Variants in AFG2A observed in about 807,000 individuals in gnomAD.
AFG2A encodes AAA ATPase AFG2A, also known as ATPase family gene 2 protein homolog A.
At chr4:123,200,449 A>G in the AFG2A span, among the ~76,000 whole-genome samples, 6 of 152,208 alleles carry the variant, frequency 3.9e-5, no homozygotes, top group East Asian at 1.9e-4. Flanking sequence ...TTTTTTAACA[A>G]TCTTTAGGGA....
the AFG2A span, among the ~76,000 whole-genome samples, chr4:122,997,282 A>G: frequency 6.6e-6 from 1 of 152,112 alleles, no homozygotes; most frequent in Non-Finnish European, 1.5e-5. Flanking sequence ...TTCACCACCT[A>G]AAAAGAAACC....
the AFG2A span, among the ~76,000 whole-genome samples, chr4:123,135,473 C>A: frequency 6.6e-6 from 1 of 152,172 alleles, no homozygotes; most frequent in Non-Finnish European, 1.5e-5. Flanking sequence ...GTGAAATTAT[C>A]TTTGTTTGCT....
the AFG2A span, among the ~76,000 whole-genome samples, chr4:123,078,187 C>A: frequency 1.3e-5 from 2 of 151,966 alleles, no homozygotes; most frequent in Non-Finnish European, 2.9e-5. Context: ...TGCTTTTTTT[C>A]ATCTAGCACA....
chr4:123,171,548 T>C, the AFG2A span, among the ~76,000 whole-genome samples: 22 of 152,230 alleles, frequency 1.4e-4, no homozygotes, highest in Admixed American at 1.2e-3. Context: ...TGAAATGAAA[T>C]TCTAGACTAT....
the AFG2A span, among the ~76,000 whole-genome samples, chr4:123,297,896 G>A: frequency 1.3e-5 from 2 of 152,056 alleles, no homozygotes; most frequent in Non-Finnish European, 2.9e-5. Context: ...AGAGGAAGCA[G>A]TGTATAAGCA....
the AFG2A span, among the ~76,000 whole-genome samples, chr4:123,018,026 T>C: frequency 6.6e-6 from 1 of 152,110 alleles, no homozygotes; most frequent in Admixed American, 6.5e-5. Flanking sequence ...ATAAAAGTAT[T>C]TTTTTTTCTA....
At chr4:123,048,843 C>T in the AFG2A span, among the ~76,000 whole-genome samples, 9 of 151,960 alleles carry the variant, frequency 5.9e-5, no homozygotes, top group South Asian at 2.1e-4. Context: ...CTTTTCAATT[C>T]GAATGCCCTT....
At chr4:123,196,666 AG>A in the AFG2A span, among the ~76,000 whole-genome samples, 1 of 152,140 alleles carries the variant, frequency 6.6e-6, no homozygotes, top group Admixed American at 6.5e-5. Flanking sequence ...AGATGCAACT[AG>A]GTATAGAGAT....
chr4:123,130,770 T>A, the AFG2A span, among the ~76,000 whole-genome samples: 1 of 152,204 alleles, frequency 6.6e-6, no homozygotes, highest in Non-Finnish European at 1.5e-5. Flanking sequence ...CTAATATGAT[T>A]CTAGGAGTGG....
chr4:123,003,220 A>T, the AFG2A span, among the ~76,000 whole-genome samples: 1 of 152,068 alleles, frequency 6.6e-6, no homozygotes, highest in Non-Finnish European at 1.5e-5. Flanking sequence ...AGTTTTTTCA[A>T]AGTTTTCAAC....
At chr4:122,936,242 A>C in the AFG2A span, 1 of 909,432 alleles carries the variant, frequency 1.1e-6, no homozygotes, top group African/African-American at 1.7e-5. Context: ...ACAAAGCATA[A>C]ACAGTAGTAC....
the AFG2A span, among the ~76,000 whole-genome samples, chr4:123,046,711 A>G: frequency 6.6e-6 from 1 of 151,872 alleles, no homozygotes; most frequent in Admixed American, 6.6e-5. Flanking sequence ...TGATGTCTCT[A>G]CTGTACTACT....
the AFG2A span, among the ~76,000 whole-genome samples, chr4:123,008,470 G>A: frequency 1.3e-5 from 2 of 151,962 alleles, no homozygotes; most frequent in African/African-American, 4.8e-5. Flanking sequence ...GTAAATAAAT[G>A]TTACCTTTTT....
chr4:123,232,988 C>T, the AFG2A span, among the ~76,000 whole-genome samples: 5 of 152,082 alleles, frequency 3.3e-5, no homozygotes, highest in East Asian at 3.9e-4. Flanking sequence ...GACACCAAAC[C>T]GACCAACAGC....
chr4:123,114,225 G>A, the AFG2A span, among the ~76,000 whole-genome samples: 3 of 152,068 alleles, frequency 2.0e-5, no homozygotes, highest in Admixed American at 6.5e-5. Flanking sequence ...ATGGGCCTGC[G>A]GTAAAGGCAC....
At chr4:123,186,461 GTTGTTCAA>G in the AFG2A span, among the ~76,000 whole-genome samples, 3 of 152,196 alleles carry the variant, frequency 2.0e-5, no homozygotes, top group African/African-American at 4.8e-5. Context: ...TAGTCTAGAA[GTTGTTCAA>G]ATAGAAGTTG....
chr4:123,086,156 C>G, the AFG2A span, among the ~76,000 whole-genome samples: 2 of 151,942 alleles, frequency 1.3e-5, no homozygotes, highest in Admixed American at 1.3e-4. Context: ...TTATATAGAT[C>G]AAAATTTCTG....
At chr4:122,997,053 C>T in the AFG2A span, among the ~76,000 whole-genome samples, 1 of 152,188 alleles carries the variant, frequency 6.6e-6, no homozygotes, top group Non-Finnish European at 1.5e-5. Flanking sequence ...CTCACAGATA[C>T]ACCCAGAAAT....
chr4:123,099,829 A>C, the AFG2A span, among the ~76,000 whole-genome samples: 1 of 151,850 alleles, frequency 6.6e-6, no homozygotes, highest in African/African-American at 2.4e-5. Context: ...TGAATCTTAA[A>C]GTTCCATTGG....
Sources: gnomAD v4.1 joint callset for allele counts (sites outside exome capture counted in the v4.1 genomes callset) on GRCh38, gnomAD v4.1.1 for gene constraint, MANE v1.5 for transcripts, NCBI Gene and HGNC (gene_info 2026-07-23, HGNC 2026-07-21) for gene names.